KIF2A: variants seen among roughly 807,000 people sequenced by gnomAD.
The protein encoded by KIF2A is kinesin-like protein KIF2A.
In KIF2A, 22 loss-of-function variants were observed where a neutral mutation model predicts 100.2. That is an observed-to-expected ratio of 0.22 (90% CI 0.16 to 0.31). The LOEUF is 0.31. Ranked by LOEUF, KIF2A falls within the 10% of genes least tolerant of loss-of-function variation. The probability of loss-of-function intolerance (pLI) is 1.00; values close to 1 mark genes in which losing one functional copy is unlikely to be tolerated. For synonymous variants in KIF2A, 268 were observed against 285.9 expected, an observed-to-expected ratio of 0.94 and a Z score of 0.63; for missense variants, 495 against 898.7, an observed-to-expected ratio of 0.55 and a Z score of 5.74.
intron 18 of KIF2A, among the ~76,000 whole-genome samples, chr5:62,376,661 TC>T (rs1426655036): frequency 6.6e-6 from 1 of 152,072 alleles, no homozygotes; most frequent in Non-Finnish European, 1.5e-5. Flanking sequence ...CCTCAAGTGA[TC>T]CGCCCGCCTC....
intron 1 of KIF2A, among the ~76,000 whole-genome samples, chr5:62,319,589 G>C (rs1313464370): frequency 6.6e-6 from 1 of 152,196 alleles, no homozygotes; most frequent in Non-Finnish European, 1.5e-5. Context: ...TCAGACTCAA[G>C]TTCCTTTATA....
chr5:62,365,410 C>T, intron 15 of KIF2A, 57 bp downstream of exon 15: 1 of 833,862 alleles, frequency 1.2e-6, no homozygotes, highest in Non-Finnish European at 1.9e-6. Context: ...AATAACTACA[C>T]AATATTTATG....
chr5:62,349,091 A>G (rs1402058503), intron 3 of KIF2A, among the ~76,000 whole-genome samples: 1 of 152,138 alleles, frequency 6.6e-6, no homozygotes, highest in Non-Finnish European at 1.5e-5. Flanking sequence ...GTTATTAGTT[A>G]CCACTTATAC....
chr5:62,311,142 A>C (rs1745535219), intron 1 of KIF2A, among the ~76,000 whole-genome samples: 2 of 152,178 alleles, frequency 1.3e-5, no homozygotes, highest in South Asian at 4.1e-4. Context: ...ACCATAAGTG[A>C]CTTATCTAGA....
At chr5:62,339,490 A>G (rs923298896) in intron 1 of KIF2A, among the ~76,000 whole-genome samples, 2 of 92,146 alleles carry the variant, frequency 2.2e-5, no homozygotes, top group African/African-American at 8.5e-5. Context: ...ATGGCACCGA[A>G]GAGAAAAGTT....
chr5:62,323,698 A>C (rs1460306040), intron 1 of KIF2A, among the ~76,000 whole-genome samples: 2 of 152,150 alleles, frequency 1.3e-5, no homozygotes, highest in African/African-American at 2.4e-5. Flanking sequence ...AGCTGAATGT[A>C]GGGGGTTATC....
At chr5:62,358,344 TG>T in intron 9 of KIF2A, 45 bp downstream of exon 9, 1 of 1,344,906 alleles carries the variant, frequency 7.4e-7, no homozygotes, top group African/African-American at 1.5e-5. Flanking sequence ...TTATGCCATG[TG>T]GTCATCAGCA....
chr5:62,353,424 AT>A, intron 6 of KIF2A, 49 bp downstream of exon 6: 3 of 910,464 alleles, frequency 3.3e-6, no homozygotes, highest in Non-Finnish European at 4.8e-6. Flanking sequence ...CAGAGATTAG[AT>A]TATATCAGTG....
intron 18 of KIF2A, 110 bp from the exon 19 acceptor site, chr5:62,377,551 T>C (rs778787338): frequency 2.9e-5 from 16 of 554,022 alleles, no homozygotes; most frequent in Non-Finnish European, 4.9e-5. Flanking sequence ...GCCTTTACCA[T>C]TCAAGCCTCT....
Position 62,306,448 on chromosome 5 carries a change from C to T in KIF2A, c.-25C>T. 2 of 1,538,040 alleles carry T rather than the reference C, an allele frequency of 1.3e-6. No homozygotes were observed. The highest frequency in any genetic ancestry group is 1.8e-6 in the Non-Finnish European group (2 of 1,140,242). ...GCCCTCCGGTCCCCCTCCCTCGGCC[C>T]GCTGCTGCTGCTCCAGATGAGGTGA... is the stretch of plus-strand genomic sequence containing the variant. On this transcript the variant is annotated 5_prime_UTR_variant, in exon 1 of 21. Coordinates refer to ENST00000407818, the MANE Select transcript of KIF2A (RefSeq NM_001098511.3).
At chr5:62,324,192 A>G (rs1408543324) in intron 1 of KIF2A, among the ~76,000 whole-genome samples, 1 of 152,204 alleles carries the variant, frequency 6.6e-6, no homozygotes, top group African/African-American at 2.4e-5. Flanking sequence ...GAATTACAAA[A>G]CATTGCTGAA....
At chr5:62,311,934 G>A (rs1745572173) in intron 1 of KIF2A, 1 of 152,210 alleles carries the variant, frequency 6.6e-6, no homozygotes, top group South Asian at 2.1e-4. Flanking sequence ...AAGAATCTGA[G>A]GTTGGATTAT....
In KIF2A at chr5:62,363,337, TTAAG is replaced by T. The variant is rs1003446076; in HGVS notation, c.1262+18_1262+21del. 3.1e-6 allele frequency: 5 copies of T among 1,603,366 alleles called. No homozygotes were observed. Among genetic ancestry groups the T allele is most frequent in the African/African-American group, 2.7e-5 (2 of 74,222 alleles). ...CAGTTGCAGGTAAATCTCATTTTGA[TTAAG>T]AAAGGAAACATCAGTTTTAGAAACT... On this transcript the variant is annotated intron_variant, in intron 13 of 20. Transcript: ENST00000407818.
intron 17 of KIF2A, among the ~76,000 whole-genome samples, 159 bp from the exon 18 acceptor site, chr5:62,373,528 C>T (rs536972780): frequency 6.6e-6 from 1 of 152,216 alleles, no homozygotes; most frequent in East Asian, 1.9e-4. Flanking sequence ...TAAACAACCA[C>T]TTAAGTGTTT....
intron 20 of KIF2A, among the ~76,000 whole-genome samples, chr5:62,382,604 T>C (rs964694304): frequency 4.6e-5 from 7 of 152,000 alleles, no homozygotes; most frequent in Non-Finnish European, 8.8e-5. Flanking sequence ...TACCAAAAGT[T>C]TGGGATTTTT....
At chr5:62,325,424 G>A (rs947975860) in intron 1 of KIF2A, among the ~76,000 whole-genome samples, 1 of 150,536 alleles carries the variant, frequency 6.6e-6, no homozygotes, top group Non-Finnish European at 1.5e-5. Flanking sequence ...ATGCCCAACT[G>A]TAAAGCTTTT....
chr5:62,367,238 A>C (rs999910151), intron 16 of KIF2A, among the ~76,000 whole-genome samples: 1 of 151,940 alleles, frequency 6.6e-6, no homozygotes, highest in Admixed American at 6.6e-5. Flanking sequence ...AAGTGATAGC[A>C]CAGTTCTTTC....
At position 62,389,181 on chromosome 5, in the gene KIF2A, C is replaced by G. The variant is rs2112028970; in HGVS notation, c.*3612C>G. 1.3e-6 allele frequency: 1 copy of G among 752,628 alleles called. No homozygotes were observed. The highest frequency in any genetic ancestry group is 2.1e-6 in the Non-Finnish European group (1 of 474,282). The allele number at this position is 752,628 out of a possible 1,614,324, so 46.6% of individuals were successfully genotyped here. On this transcript the variant is annotated 3_prime_UTR_variant, in exon 21 of 21. Coordinates refer to ENST00000407818, the MANE Select transcript of KIF2A (RefSeq NM_001098511.3). ...TTACAGAGCCCACCCACTCCTAATACTAGTTATTAAAGAAACGTTACTGGC... is the reference window on the plus strand; with the variant it reads ...TTACAGAGCCCACCCACTCCTAATAGTAGTTATTAAAGAAACGTTACTGGC...
In KIF2A at chr5:62,366,671, A is replaced by C. The variant is rs547234734; in HGVS notation, c.1646+190A>C. Among the ~76,000 whole-genome samples, 40 of 152,190 alleles carry C rather than the reference A, an allele frequency of 2.6e-4. No homozygotes were observed. The East Asian group carries it at 5.4e-3, about 21-fold the overall frequency. ...ATGGTGAAACCCCGTCTCTACTAAA[A>C]ATACAAAAAATTAGCCAGGCATGGT... On this transcript the variant is annotated intron_variant, in intron 16 of 20. Transcript: ENST00000407818.
Sources: gnomAD v4.1 joint callset for allele counts (sites outside exome capture counted in the v4.1 genomes callset) on GRCh38, gnomAD v4.1.1 for gene constraint, MANE v1.5 for transcripts, NCBI Gene and HGNC (gene_info 2026-07-23, HGNC 2026-07-21) for gene names.